Variants in RIC1 observed in about 807,000 individuals in gnomAD.
The protein encoded by RIC1 is guanine nucleotide exchange factor subunit RIC1.
Under a neutral mutation model 169.0 loss-of-function variants are expected in RIC1, and 88 were observed. The ratio of observed to expected loss-of-function variants is 0.52; its 90% confidence interval spans 0.44 to 0.62. The LOEUF is 0.62. Among genes scored for constraint, RIC1 ranks in the 20% least tolerant of loss-of-function variants. The probability of loss-of-function intolerance (pLI) is 0.00; values close to 1 mark genes in which losing one functional copy is unlikely to be tolerated. For synonymous variants in RIC1, 790 were observed against 601.5 expected, an observed-to-expected ratio of 1.31 and a Z score of -4.59; for missense variants, 1,877 against 1,725.5, an observed-to-expected ratio of 1.09 and a Z score of -1.56.
intron 1 of RIC1, among the ~76,000 whole-genome samples, chr9:5,642,809 T>C (rs879279601): frequency 8.7e-6 from 1 of 115,526 alleles, no homozygotes; most frequent in Non-Finnish European, 1.7e-5. Context: ...TTTTACATCA[T>C]AGTAAGCAAA....
chr9:5,677,193 G>A (rs1280893523), intron 2 of RIC1, among the ~76,000 whole-genome samples: 2 of 152,156 alleles, frequency 1.3e-5, no homozygotes, highest in Admixed American at 6.6e-5. Flanking sequence ...ATGTGGTAGG[G>A]TATGCCTTTT....
chr9:5,640,373 A>G (rs894339122), intron 1 of RIC1, among the ~76,000 whole-genome samples: 1 of 152,210 alleles, frequency 6.6e-6, no homozygotes, highest in Admixed American at 6.5e-5. Flanking sequence ...AAGTGTAATT[A>G]AAACTCTACA....
At chr9:5,732,313 T>C in intron 6 of RIC1, 75 bp from the exon 7 acceptor site, 1 of 1,111,194 alleles carries the variant, frequency 9.0e-7, no homozygotes, top group South Asian at 1.4e-5. Context: ...GTATGTTTAT[T>C]GAAGGAGAAT....
intron 2 of RIC1, among the ~76,000 whole-genome samples, chr9:5,673,038 A>G (rs1039542689): frequency 2.0e-5 from 3 of 152,206 alleles, no homozygotes; most frequent in African/African-American, 7.2e-5. Context: ...TATTGGAGCT[A>G]CAGTGAACAG....
intron 23 of RIC1, among the ~76,000 whole-genome samples, chr9:5,771,425 C>A (rs1827213463): frequency 6.6e-6 from 1 of 152,220 alleles, no homozygotes; most frequent in South Asian, 2.1e-4. Context: ...GTGTATTCTT[C>A]TGATGATGGA....
At position 5,763,497 on chromosome 9, in the gene RIC1, T is replaced by C; in HGVS notation, c.2470T>C (p.Ser824Pro). 3.7e-6 allele frequency: 6 copies of C among 1,614,150 alleles called. No individual in the cohort carries two copies. Among genetic ancestry groups the C allele is most frequent in the Non-Finnish European group, 5.1e-6 (6 of 1,180,012 alleles). The change falls in exon 19 of 26, where the codon TCT (serine) becomes CCT (proline). Residue 824 changes from serine (S) to proline (P), a missense_variant. Physicochemically the swap from Ser to Pro is moderately conservative, Grantham distance 74. Coordinates refer to ENST00000414202, the MANE Select transcript of RIC1 (RefSeq NM_020829.4). This position sits in a 1 kb window ranked among gnomAD's most constrained non-coding sequence, Gnocchi z 5.2. ...LFPFCVVERT[S>P]QIYLHHILRQ... ...CCCTTTCTGTGTTGTGGAGAGAACC[T>C]CTCAGATCTACCTCCACCACATTCT...
chr9:5,649,113 A>G (rs1315233468), intron 1 of RIC1, among the ~76,000 whole-genome samples: 2 of 152,170 alleles, frequency 1.3e-5, no homozygotes, highest in African/African-American at 4.8e-5. Flanking sequence ...CCAGCCTGGC[A>G]ACAGAGATAG....
chr9:5,722,185 G>A (rs1260272466), intron 6 of RIC1, among the ~76,000 whole-genome samples: 4 of 148,718 alleles, frequency 2.7e-5, no homozygotes, highest in Non-Finnish European at 4.4e-5. Flanking sequence ...ATGGTGCCCA[G>A]CCCATTTCAT....
chr9:5,748,205 CT>C (rs1234219823), intron 12 of RIC1, among the ~76,000 whole-genome samples: 1 of 152,090 alleles, frequency 6.6e-6, no homozygotes, highest in Non-Finnish European at 1.5e-5. Flanking sequence ...TTTTCTTTCC[CT>C]TTTTGATAGC....
chr9:5,648,616 C>T (rs1007795222), intron 1 of RIC1, among the ~76,000 whole-genome samples: 6 of 152,126 alleles, frequency 3.9e-5, no homozygotes, highest in Admixed American at 2.6e-4. Flanking sequence ...TTGGTAATGG[C>T]TGTACTAATT....
Position 5,776,450 on chromosome 9 carries a change from T to TG in RIC1, c.*2209dup, listed in dbSNP as rs1827592508. On this transcript the variant is annotated 3_prime_UTR_variant, in exon 26 of 26. Transcript: ENST00000414202. ...ATTTGCTGAAACCAAAACAAGTCATTGGGGGTGTGGGAATAAAATCAACCT... is the reference window on the plus strand; with the variant it reads ...ATTTGCTGAAACCAAAACAAGTCATTGGGGGGTGTGGGAATAAAATCAACCT... 1 of 151,996 alleles carries TG rather than the reference T, an allele frequency of 6.6e-6. No homozygotes were observed. Among genetic ancestry groups the TG allele is most frequent in the Non-Finnish European group, 1.5e-5 (1 of 67,932 alleles). 9.4% of individuals were successfully genotyped at this position (151,996 alleles called of 1,614,324 possible).
At chr9:5,731,994 T>C (rs1824396941) in intron 6 of RIC1, among the ~76,000 whole-genome samples, 1 of 152,216 alleles carries the variant, frequency 6.6e-6, no homozygotes, top group Admixed American at 6.5e-5. Flanking sequence ...GACTGAGAAG[T>C]TAAATACTAT....
At chr9:5,687,068 T>C (rs893369164) in intron 2 of RIC1, among the ~76,000 whole-genome samples, 7 of 152,216 alleles carry the variant, frequency 4.6e-5, no homozygotes, top group African/African-American at 1.4e-4. Context: ...CAGTGAACTT[T>C]GGTGGTTTGT....
At chr9:5,757,094 C>G (rs892702168) in intron 16 of RIC1, among the ~76,000 whole-genome samples, 10 of 152,100 alleles carry the variant, frequency 6.6e-5, no homozygotes, top group African/African-American at 2.4e-4. Flanking sequence ...GTCTTCCCTC[C>G]TATTTGTTAC....
intron 7 of RIC1, among the ~76,000 whole-genome samples, chr9:5,735,696 T>C (rs771854817): frequency 6.9e-4 from 105 of 152,210 alleles, no homozygotes; most frequent in Non-Finnish European, 1.2e-3. Flanking sequence ...CTGGTGTCCT[T>C]AGAGTTGTGT....
chr9:5,725,193 T>G (rs1823886639), intron 6 of RIC1, among the ~76,000 whole-genome samples: 1 of 152,292 alleles, frequency 6.6e-6, no homozygotes, highest in African/African-American at 2.4e-5. Context: ...GTCCTGGACT[T>G]TTTTTGGTTA....
intron 8 of RIC1, among the ~76,000 whole-genome samples, chr9:5,740,189 C>T (rs924205766): frequency 1.3e-5 from 2 of 152,196 alleles, no homozygotes; most frequent in African/African-American, 4.8e-5. Context: ...AGTCACTAAA[C>T]TCCTTGCGTC....
chr9:5,753,736 T>C (rs150719084), intron 14 of RIC1, 90 bp downstream of exon 14: 32 of 527,848 alleles, frequency 6.1e-5, no homozygotes, highest in African/African-American at 5.8e-4. Flanking sequence ...CTAAGTAATT[T>C]TGGTTACTTA....
intron 17 of RIC1, among the ~76,000 whole-genome samples, 189 bp downstream of exon 17, chr9:5,757,640 T>C (rs1348066135): frequency 6.6e-6 from 1 of 152,246 alleles, no homozygotes; most frequent in African/African-American, 2.4e-5. Flanking sequence ...AATAATTACA[T>C]ACATAATGAA....
Sources: allele counts gnomAD v4.1 joint callset (sites outside exome capture counted in the v4.1 genomes callset), GRCh38; gene constraint gnomAD v4.1.1; non-coding constraint Gnocchi (gnomAD v3.1); transcripts MANE v1.5; gene names NCBI Gene and HGNC (gene_info 2026-07-23, HGNC 2026-07-21).